Variants in HDHD2 observed in about 807,000 individuals in gnomAD.
The protein encoded by HDHD2 is haloacid dehalogenase like hydrolase domain containing 2.
In HDHD2, 26 loss-of-function variants were observed where a neutral mutation model predicts 24.8. The observed-to-expected ratio is 1.05, with a 90% CI of 0.77 to 1.45. HDHD2 has a LOEUF of 1.45. Among genes scored for constraint, HDHD2 ranks in the 40% most tolerant of loss-of-function variants. The pLI is 0.00. For missense variants in HDHD2, 299 were observed against 313.4 expected (o/e 0.95, Z 0.35); for synonymous variants, 128 against 114.9 (o/e 1.11, Z -0.73).
At chr18:47,128,518 A>C (rs1477956177) in intron 4 of HDHD2, among the ~76,000 whole-genome samples, 1 of 152,242 alleles carries the variant, frequency 6.6e-6, no homozygotes. Context: ...GGATAATTGA[A>C]AAGGCAGGGG....
chr18:47,114,620 C>T (rs1880622089), intron 5 of HDHD2, among the ~76,000 whole-genome samples: 1 of 152,074 alleles, frequency 6.6e-6, no homozygotes, highest in Non-Finnish European at 1.5e-5. Context: ...TCCAATCATC[C>T]CAGGCTCAGC....
intron 6 of HDHD2, chr18:47,111,303 G>A (rs1370433406): frequency 1.0e-6 from 1 of 984,448 alleles, no homozygotes; most frequent in Non-Finnish European, 1.2e-6. Context: ...GGGGAGCTGG[G>A]CCCATCAAGA....
intron 1 of HDHD2, 111 bp from the exon 2 acceptor site, chr18:47,136,560 T>C: frequency 3.9e-6 from 3 of 771,002 alleles, no homozygotes; most frequent in Non-Finnish European, 5.7e-6. Flanking sequence ...TGCTTAGTGT[T>C]AAGCTGCTTC....
intron 6 of HDHD2, chr18:47,109,921 C>A (rs2063502293): frequency 2.2e-6 from 2 of 915,344 alleles, no homozygotes; most frequent in South Asian, 5.0e-5. Context: ...GTGACTAGCA[C>A]ATAGTAACTA....
At chr18:47,125,645 G>A (rs1195054471) in intron 4 of HDHD2, among the ~76,000 whole-genome samples, 4 of 152,146 alleles carry the variant, frequency 2.6e-5, no homozygotes, top group African/African-American at 9.7e-5. Context: ...ACCAAAAAAT[G>A]CTATAATTCT....
intron 1 of HDHD2, among the ~76,000 whole-genome samples, chr18:47,136,848 G>T (rs889515114): frequency 6.6e-6 from 1 of 152,116 alleles, no homozygotes. Context: ...CTTCATCTTT[G>T]GTTATGTATA....
At chr18:47,139,464 CAAAAAAAAAAAAAAAA>C (rs760347919) in intron 1 of HDHD2, among the ~76,000 whole-genome samples, 1 of 50,482 alleles carries the variant, frequency 2.0e-5, no homozygotes, top group East Asian at 6.9e-4. Flanking sequence ...GACTCTGTCT[CAAAAAAAAAAAAAAAA>C]AAAAAAAAAA....
intron 1 of HDHD2, among the ~76,000 whole-genome samples, chr18:47,138,621 G>A (rs551317491): frequency 6.6e-6 from 1 of 152,304 alleles, no homozygotes; most frequent in Admixed American, 6.5e-5. Context: ...CAAAGTGGGC[G>A]AAAGAAGGAT....
intron 1 of HDHD2, among the ~76,000 whole-genome samples, chr18:47,149,487 C>A (rs1256959423): frequency 1.3e-5 from 2 of 152,144 alleles, no homozygotes; most frequent in African/African-American, 4.8e-5. Flanking sequence ...TGGATAAAGT[C>A]TGAACAATGA....
intron 4 of HDHD2, among the ~76,000 whole-genome samples, chr18:47,127,115 C>T (rs887255597): frequency 3.3e-4 from 50 of 151,922 alleles, no homozygotes; most frequent in African/African-American, 9.7e-5. Context: ...GAGCCAAGAT[C>T]GCACCACTGC....
intron 4 of HDHD2, among the ~76,000 whole-genome samples, chr18:47,125,589 C>A (rs1450733287): frequency 1.3e-5 from 2 of 152,010 alleles, no homozygotes; most frequent in Non-Finnish European, 2.9e-5. Flanking sequence ...AAAATAAAAA[C>A]CAAAGTACTG....
chr18:47,126,618 C>A (rs1172646675), intron 4 of HDHD2, among the ~76,000 whole-genome samples: 1 of 152,078 alleles, frequency 6.6e-6, no homozygotes, highest in Non-Finnish European at 1.5e-5. Context: ...TAAATTTAAA[C>A]ATGAAAGTTG....
At chr18:47,109,032 G>A (rs1018440180) in intron 6 of HDHD2, 7 of 461,086 alleles carry the variant, frequency 1.5e-5, no homozygotes, top group Admixed American at 1.3e-4. Flanking sequence ...GTACTGGATC[G>A]TCTGACAGCT....
chr18:47,143,496 C>T (rs1446989874), intron 1 of HDHD2, among the ~76,000 whole-genome samples: 3 of 152,152 alleles, frequency 2.0e-5, no homozygotes, highest in African/African-American at 4.8e-5. Context: ...GACACAACTA[C>T]TCATGATGCT....
intron 4 of HDHD2, 71 bp from the exon 5 acceptor site, chr18:47,115,419 G>C (rs2063550985): frequency 2.8e-6 from 3 of 1,085,486 alleles, no homozygotes; most frequent in African/African-American, 1.6e-5. Flanking sequence ...ACGAATGTCA[G>C]ACTTACAAAG....
At position 47,127,116 on chromosome 18, in the gene HDHD2, G is replaced by C. The variant is rs367780020; in HGVS notation, c.395+3128C>G. Among the ~76,000 whole-genome samples, 404 of 151,952 alleles carry C rather than the reference G, an allele frequency of 2.7e-3. 1 individual carries two copies. The highest frequency in any genetic ancestry group is 9.4e-3 in the African/African-American group (389 of 41,446). On this transcript the variant is annotated intron_variant, in intron 4 of 6. Coordinates refer to ENST00000300605, the MANE Select transcript of HDHD2 (RefSeq NM_032124.5). ...GCGGAGCTTGCAGTGAGCCAAGATC[G>C]CACCACTGCACTCCAACCTGGGTGA...
At chr18:47,130,817 T>G (rs2063706820) in intron 3 of HDHD2, among the ~76,000 whole-genome samples, 2 of 152,234 alleles carry the variant, frequency 1.3e-5, no homozygotes, top group Non-Finnish European at 2.9e-5. Context: ...TAATATGAAA[T>G]GCACTGCAGA....
intron 1 of HDHD2, chr18:47,136,997 G>A (rs1372542006): frequency 9.6e-6 from 6 of 624,930 alleles, no homozygotes; most frequent in Non-Finnish European, 1.5e-5. Flanking sequence ...AGTGGCAGCT[G>A]AGGAGACTCT....
intron 4 of HDHD2, among the ~76,000 whole-genome samples, chr18:47,127,833 A>C (rs1181862206): frequency 6.6e-6 from 1 of 152,228 alleles, no homozygotes; most frequent in Non-Finnish European, 1.5e-5. Flanking sequence ...ACAGTAAATA[A>C]GATGCAGCAT....
Sources: allele counts gnomAD v4.1 joint callset (sites outside exome capture counted in the v4.1 genomes callset), GRCh38; gene constraint gnomAD v4.1.1; transcripts MANE v1.5; gene names NCBI Gene and HGNC (gene_info 2026-07-23, HGNC 2026-07-21).